GPHN: variants seen among roughly 807,000 people sequenced by gnomAD.
The protein encoded by GPHN is gephyrin.
In GPHN, 17 loss-of-function variants were observed where a neutral mutation model predicts 95.5. The observed-to-expected ratio is 0.18, with a 90% confidence interval of 0.12 to 0.27. The LOEUF (loss-of-function observed/expected upper bound fraction) is 0.27, where lower values mean the gene tolerates loss of function less well. Among genes scored for constraint, GPHN ranks in the 10% least tolerant of loss-of-function variants. The pLI, the probability that GPHN is intolerant of heterozygous loss-of-function variation, is 1.00. For missense variants in GPHN, 660 were observed against 978.1 expected, an observed-to-expected ratio of 0.67 and a Z score of 4.34; for synonymous variants, 320 against 322.5, an observed-to-expected ratio of 0.99 and a Z score of 0.08.
At chr14:67,184,426 A>G (rs1402476244), downstream of GPHN, among the ~76,000 whole-genome samples, 2 of 152,140 alleles carry the variant, frequency 1.3e-5, no homozygotes, top group South Asian at 2.1e-4. Flanking sequence ...AGTTATAGCA[A>G]TTGTGCAGGT....
At chr14:67,071,753 T>C (rs1201588319) in intron 11 of GPHN, among the ~76,000 whole-genome samples, 1 of 151,970 alleles carries the variant, frequency 6.6e-6, no homozygotes, top group South Asian at 2.1e-4. Flanking sequence ...ATGCATACCA[T>C]TATATATGTT....
chr14:67,399,082 T>C, the GPHN span, among the ~76,000 whole-genome samples: 3 of 152,240 alleles, frequency 2.0e-5, no homozygotes, highest in Non-Finnish European at 4.4e-5. Context: ...AGAAAGAATA[T>C]TACTAGTCAA....
chr14:66,821,439 A>G (rs569586233), intron 3 of GPHN, among the ~76,000 whole-genome samples: 2 of 152,330 alleles, frequency 1.3e-5, no homozygotes, highest in South Asian at 4.1e-4. Flanking sequence ...TTCTCAGATC[A>G]TACTTTTAGT....
chr14:67,671,336 G>C, the GPHN span, among the ~76,000 whole-genome samples: 1 of 152,074 alleles, frequency 6.6e-6, no homozygotes, highest in African/African-American at 2.4e-5. Context: ...GACCAGCCTG[G>C]CCAACATGGT....
intron 12 of GPHN, among the ~76,000 whole-genome samples, chr14:67,094,813 A>G (rs2077285190): frequency 6.6e-6 from 1 of 152,216 alleles, no homozygotes; most frequent in Admixed American, 6.5e-5. Flanking sequence ...TAGCCATTGT[A>G]AGGTCACATA....
At chr14:66,626,665 G>C (rs2063539951) in intron 1 of GPHN, among the ~76,000 whole-genome samples, 1 of 152,078 alleles carries the variant, frequency 6.6e-6, no homozygotes, top group Non-Finnish European at 1.5e-5. Flanking sequence ...GGACCTCACA[G>C]TTAGGTAATG....
the GPHN span, among the ~76,000 whole-genome samples, chr14:67,482,197 G>A: frequency 6.6e-6 from 1 of 152,302 alleles, no homozygotes; most frequent in South Asian, 2.1e-4. Flanking sequence ...TCAGAGCCCT[G>A]TTCACTAAGA....
chr14:66,541,966 G>A (rs560505489), intron 1 of GPHN, among the ~76,000 whole-genome samples: 1 of 152,220 alleles, frequency 6.6e-6, no homozygotes, highest in East Asian at 1.9e-4. Context: ...ATTGATCTTA[G>A]CATCTTTTAA....
At chr14:67,096,125 G>T (rs1181888698) in intron 12 of GPHN, among the ~76,000 whole-genome samples, 2 of 152,056 alleles carry the variant, frequency 1.3e-5, no homozygotes, top group Non-Finnish European at 2.9e-5. Context: ...TTGGTACCAA[G>T]AAACTTCTAT....
intron 21 of GPHN, among the ~76,000 whole-genome samples, chr14:67,173,854 T>A (rs8013541): frequency 0.57 from 86,427 of 151,626 alleles, 26,797 homozygotes; most frequent in African/African-American, 0.84. Flanking sequence ...TTCAGCAGAG[T>A]TAGGAATCAT....
the GPHN span, chr14:67,599,904 T>G: frequency 1.3e-6 from 1 of 769,980 alleles, no homozygotes; most frequent in African/African-American, 1.8e-5. Flanking sequence ...GTTCCCGCCC[T>G]CCTGTCCTAT....
the GPHN span, among the ~76,000 whole-genome samples, chr14:67,514,893 C>G: frequency 6.6e-6 from 1 of 152,218 alleles, no homozygotes; most frequent in African/African-American, 2.4e-5. Flanking sequence ...GCGGCTGGAT[C>G]TCGAACCGGG....
At chr14:67,528,328 T>C in the GPHN span, among the ~76,000 whole-genome samples, 1 of 152,094 alleles carries the variant, frequency 6.6e-6, no homozygotes, top group Non-Finnish European at 1.5e-5. Flanking sequence ...CCCAGAAAAG[T>C]AAAGGGTCAC....
At chr14:67,304,905 A>C in the GPHN span, among the ~76,000 whole-genome samples, 3 of 152,320 alleles carry the variant, frequency 2.0e-5, no homozygotes, top group South Asian at 6.2e-4. Context: ...GAAAGAACAC[A>C]GTTTCATTTT....
chr14:67,580,871 GGCTGGACCTTGATCCCTT>G, the GPHN span: 1 of 1,035,454 alleles, frequency 9.7e-7, no homozygotes, highest in Non-Finnish European at 1.5e-6. Flanking sequence ...GTCCAGCCCT[GGCTGGACCTTGATCCCTT>G]CTCTCCTTAT....
At chr14:66,935,747 T>C (rs556262536) in intron 8 of GPHN, among the ~76,000 whole-genome samples, 1 of 151,988 alleles carries the variant, frequency 6.6e-6, no homozygotes, top group African/African-American at 2.4e-5. Flanking sequence ...TATGTATACA[T>C]ATATATTAAA....
chr14:66,711,668 A>G (rs2069644237), intron 2 of GPHN, among the ~76,000 whole-genome samples: 2 of 150,528 alleles, frequency 1.3e-5, no homozygotes, highest in Non-Finnish European at 2.9e-5. Context: ...ATAGGTATAC[A>G]TGTGCCATGT....
intron 10 of GPHN, among the ~76,000 whole-genome samples, chr14:67,028,035 C>G (rs1172429346): frequency 6.6e-6 from 1 of 152,154 alleles, no homozygotes; most frequent in African/African-American, 2.4e-5. Flanking sequence ...ATCCCCCACA[C>G]CATCCTTCCC....
the GPHN span, chr14:67,336,737 G>C: frequency 2.2e-6 from 1 of 455,980 alleles, no homozygotes; most frequent in South Asian, 1.5e-5. Context: ...CAGTTCAGCA[G>C]GCTGTTGGGA....
Sources: allele counts gnomAD v4.1 joint callset (sites outside exome capture counted in the v4.1 genomes callset), GRCh38; gene constraint gnomAD v4.1.1; transcripts MANE v1.5; gene names NCBI Gene and HGNC (gene_info 2026-07-23, HGNC 2026-07-21).